The following LRGUK variants were observed in gnomAD, a reference collection of about 807,000 sequenced individuals.
The protein encoded by LRGUK is leucine rich repeats and guanylate kinase domain containing, also known as leucine-rich repeat and guanylate kinase domain-containing protein.
LRGUK carries 65 observed loss-of-function variants against 76.0 expected under a neutral mutation model. That is an observed-to-expected ratio of 0.85 (90% CI 0.70 to 1.05). The LOEUF is 1.05. Ranked by LOEUF, LRGUK falls within the 50% of genes least tolerant of loss-of-function variation. The probability of loss-of-function intolerance (pLI) is 0.00; values close to 1 mark genes in which losing one functional copy is unlikely to be tolerated. For missense variants in LRGUK, 758 were observed against 732.8 expected, an observed-to-expected ratio of 1.03 and a Z score of -0.40; for synonymous variants, 268 against 265.6, an observed-to-expected ratio of 1.01 and a Z score of -0.09.
intron 16 of LRGUK, among the ~76,000 whole-genome samples, chr7:134,233,243 T>G (rs1418874083): frequency 2.0e-5 from 3 of 152,220 alleles, no homozygotes; most frequent in Non-Finnish European, 4.4e-5. Flanking sequence ...CTATGCTGAC[T>G]TAGTTAAGGC....
At chr7:134,156,068 A>T (rs1456709722) in intron 5 of LRGUK, among the ~76,000 whole-genome samples, 3 of 152,248 alleles carry the variant, frequency 2.0e-5, no homozygotes, top group Non-Finnish European at 4.4e-5. Context: ...TATCATAATG[A>T]ACTCTCTCAG....
chr7:134,156,266 T>A (rs1798453524), intron 5 of LRGUK, among the ~76,000 whole-genome samples: 1 of 149,250 alleles, frequency 6.7e-6, no homozygotes, highest in African/African-American at 2.5e-5. Context: ...TCGTTGTCCG[T>A]TTTTTATTAG....
intron 16 of LRGUK, among the ~76,000 whole-genome samples, chr7:134,230,631 A>G (rs943181500): frequency 6.6e-6 from 1 of 152,234 alleles, no homozygotes; most frequent in African/African-American, 2.4e-5. Context: ...TTGAATAGTC[A>G]TATAATAAAA....
At chr7:134,249,381 ACAGACATC>A (rs549700548) in intron 18 of LRGUK, among the ~76,000 whole-genome samples, 1 of 152,324 alleles carries the variant, frequency 6.6e-6, no homozygotes, top group South Asian at 2.1e-4. Flanking sequence ...GAGGAAGAGC[ACAGACATC>A]CATTGTGGTA....
chr7:134,164,312 A>T (rs188287480), intron 7 of LRGUK, among the ~76,000 whole-genome samples: 1 of 152,322 alleles, frequency 6.6e-6, no homozygotes, highest in Admixed American at 6.5e-5. Flanking sequence ...CAAAAATAAA[A>T]TAAAGAGAAG....
the LRGUK span, among the ~76,000 whole-genome samples, chr7:134,273,798 A>G: frequency 6.6e-6 from 1 of 151,962 alleles, no homozygotes. Context: ...TGAACCACAA[A>G]TTGTTGGCTC....
chr7:134,257,307 TG>T (rs1474138804), intron 18 of LRGUK, among the ~76,000 whole-genome samples: 1 of 152,174 alleles, frequency 6.6e-6, no homozygotes, highest in African/African-American at 2.4e-5. Context: ...ATGGTGGGGA[TG>T]AGGCACAGTG....
At chr7:134,171,292 C>T (rs904776763) in intron 7 of LRGUK, among the ~76,000 whole-genome samples, 1 of 151,888 alleles carries the variant, frequency 6.6e-6, no homozygotes, top group African/African-American at 2.4e-5. Context: ...TGATGGGTTC[C>T]CCGCAGTTTG....
At chr7:134,201,675 C>T (rs1800779337) in intron 15 of LRGUK, 99 bp downstream of exon 15, 2 of 790,288 alleles carry the variant, frequency 2.5e-6, no homozygotes, top group Admixed American at 2.4e-5. Context: ...TGGGCTAAAG[C>T]TGGTTCTCTT....
chr7:134,233,008 T>TA (rs373446113), intron 16 of LRGUK, among the ~76,000 whole-genome samples: 2,060 of 151,406 alleles, frequency 0.014, 23 homozygotes, highest in Non-Finnish European at 0.017. Context: ...CAGGTTTGAG[T>TA]AAAAAAAAAG....
intron 1 of LRGUK, among the ~76,000 whole-genome samples, chr7:134,128,378 T>C (rs1312710453): frequency 2.0e-5 from 3 of 152,230 alleles, no homozygotes; most frequent in Non-Finnish European, 2.9e-5. Context: ...CTACAATATC[T>C]CTTCTGACCA....
intron 16 of LRGUK, among the ~76,000 whole-genome samples, chr7:134,226,406 C>T (rs1453833037): frequency 6.6e-6 from 1 of 152,168 alleles, no homozygotes; most frequent in Admixed American, 6.5e-5. Flanking sequence ...ATATTCTCTT[C>T]CCTTGGCCAT....
At chr7:134,193,601 T>C (rs1424439358) in intron 12 of LRGUK, among the ~76,000 whole-genome samples, 1 of 152,232 alleles carries the variant, frequency 6.6e-6, no homozygotes, top group Non-Finnish European at 1.5e-5. Flanking sequence ...TCTGATAACA[T>C]ATATATACAT....
intron 15 of LRGUK, among the ~76,000 whole-genome samples, chr7:134,205,371 A>G (rs999031508): frequency 5.3e-5 from 8 of 152,082 alleles, no homozygotes; most frequent in African/African-American, 1.9e-4. Context: ...CTCACCTCTC[A>G]TCAGCACTCC....
chr7:134,231,880 C>T (rs1314460077), intron 16 of LRGUK, among the ~76,000 whole-genome samples: 1 of 149,514 alleles, frequency 6.7e-6, no homozygotes, highest in Non-Finnish European at 1.5e-5. Flanking sequence ...CTCTTCCTTC[C>T]TTCCTCTCTT....
exon 16 of LRGUK, chr7:134,210,197 C>T (rs1185723448): frequency 2.5e-6 from 1 of 399,270 alleles, no homozygotes; most frequent in African/African-American, 2.1e-5. Flanking sequence ...TCAGCCAGCT[C>T]CCACCATGGT....
At chr7:134,152,727 T>A (rs1798273906) in intron 5 of LRGUK, among the ~76,000 whole-genome samples, 1 of 152,104 alleles carries the variant, frequency 6.6e-6, no homozygotes, top group African/African-American at 2.4e-5. Flanking sequence ...AGTACTTTTA[T>A]TCCTATATGT....
intron 6 of LRGUK, among the ~76,000 whole-genome samples, chr7:134,158,547 T>G (rs1798581196): frequency 1.3e-5 from 2 of 152,228 alleles, no homozygotes; most frequent in Admixed American, 6.5e-5. Flanking sequence ...TGTTAACACT[T>G]TAACTGCTTT....
chr7:134,184,783 AT>A (rs1285261078), intron 11 of LRGUK, among the ~76,000 whole-genome samples: 5 of 152,204 alleles, frequency 3.3e-5, no homozygotes, highest in Non-Finnish European at 5.9e-5. Flanking sequence ...AATTTTCCAA[AT>A]GCTTAACTTA....
Sources: gnomAD v4.1 joint callset for allele counts (sites outside exome capture counted in the v4.1 genomes callset) on GRCh38, gnomAD v4.1.1 for gene constraint, MANE v1.5 for transcripts, NCBI Gene and HGNC (gene_info 2026-07-23, HGNC 2026-07-21) for gene names.